Variants in SLC6A3 observed in about 807,000 individuals in gnomAD.
SLC6A3 encodes the protein solute carrier family 6 member 3.
In SLC6A3, 19 loss-of-function variants were observed where a neutral mutation model predicts 70.4. The observed-to-expected ratio is 0.27, with a 90% confidence interval of 0.19 to 0.40. SLC6A3 has a LOEUF of 0.40. SLC6A3 is among the 10% of genes least tolerant of loss of function. SLC6A3 has a pLI of 1.00. For synonymous variants in SLC6A3, 368 were observed against 356.6 expected, an observed-to-expected ratio of 1.03 and a Z score of -0.36; for missense variants, 613 against 838.5, an observed-to-expected ratio of 0.73 and a Z score of 3.32.
In SLC6A3 at chr5:1,411,136, G is replaced by T; in HGVS notation, c.1269+107C>A. ...CAAGTCAAGGACAGGAGGTCTGGGG[G>T]CCGTACGTGAGCCCAGGGATCTTGC... On this transcript the variant is annotated intron_variant, in intron 9 of 14. Transcript: ENST00000270349. The surrounding 1 kb of genome is among the most constrained non-coding windows in gnomAD (Gnocchi z 6.5). 8 of 774,876 alleles carry T rather than the reference G, an allele frequency of 1.0e-5. No individual in the cohort carries two copies. Among genetic ancestry groups the T allele is most frequent in the Non-Finnish European group, 1.6e-5 (7 of 448,000 alleles). The allele number at this position is 774,876 out of a possible 1,614,324, so 48.0% of individuals were successfully genotyped here. A position where few individuals can be genotyped will look rare whatever the true frequency, so the allele number is the denominator to read the frequency against.
At chr5:1,429,254 G>A (rs535336871) in intron 4 of SLC6A3, among the ~76,000 whole-genome samples, 4 of 152,310 alleles carry the variant, frequency 2.6e-5, no homozygotes, top group Admixed American at 2.0e-4. Context: ...CCCACTGGTG[G>A]GAAAATCACC....
chr5:1,445,146 C>T (rs935030652), intron 1 of SLC6A3, among the ~76,000 whole-genome samples: 2 of 152,302 alleles, frequency 1.3e-5, no homozygotes, highest in African/African-American at 4.8e-5. Flanking sequence ...CCTCCTCGCG[C>T]CTCGGACGGC....
chr5:1,430,354 C>T (rs962725627), intron 4 of SLC6A3, among the ~76,000 whole-genome samples: 1 of 152,250 alleles, frequency 6.6e-6, no homozygotes, highest in East Asian at 1.9e-4. Context: ...AAGAAAAACG[C>T]CGGGTGGCCC....
At chr5:1,422,328 A>G in intron 4 of SLC6A3, among the ~76,000 whole-genome samples, 1 of 150,930 alleles carries the variant, frequency 6.6e-6, no homozygotes. Context: ...GAGCCACAGA[A>G]ACCAAAAGGA....
chr5:1,402,273 G>A lies in SLC6A3; in HGVS notation c.1767+649C>T, dbSNP rs1427545191. Among the ~76,000 whole-genome samples the A allele has an allele frequency of 4.0e-5, 6 of 151,750 alleles. No homozygotes were observed. The highest frequency in any genetic ancestry group is 8.8e-5 in the Non-Finnish European group (6 of 67,952). On this transcript the variant is annotated intron_variant, in intron 13 of 14. Coordinates refer to ENST00000270349, the MANE Select transcript of SLC6A3 (RefSeq NM_001044.5). This position sits in a 1 kb window ranked among gnomAD's most constrained non-coding sequence, Gnocchi z 8.5. ...CCTTGTCTCTTCCTGGAACCACAGA[G>A]CCAGGGTGTTAAACAGGGCCCTGTG...
intron 4 of SLC6A3, among the ~76,000 whole-genome samples, chr5:1,430,769 C>A (rs527632052): frequency 2.5e-5 from 1 of 39,270 alleles, no homozygotes. Flanking sequence ...GATCCTCCCC[C>A]AGCAGAGGCG....
Position 1,436,435 on chromosome 5 carries a change from G to A in SLC6A3, c.419-3737C>T, listed in dbSNP as rs1477611319. ...GAGGTGGCAGGCAAAGTCCCTGCTC[G>A]CGTTTCCAGGGAAAACATTCATGAG... On this transcript the variant is annotated intron_variant, in intron 3 of 14. Transcript: ENST00000270349. This position sits in a 1 kb window ranked among gnomAD's most constrained non-coding sequence, Gnocchi z 5.2. Among the ~76,000 whole-genome samples the A allele has an allele frequency of 1.3e-5, 2 of 152,268 alleles. No homozygotes were observed. Among genetic ancestry groups the A allele is most frequent in the East Asian group, 1.9e-4 (1 of 5,186 alleles).
chr5:1,429,931 T>C (rs921353147), intron 4 of SLC6A3, among the ~76,000 whole-genome samples: 6 of 152,236 alleles, frequency 3.9e-5, no homozygotes, highest in African/African-American at 7.2e-5. Context: ...CCCTCGAGAA[T>C]GTTAAAATCT....
rs1383729648 is a variant in SLC6A3 at position 1,421,408 on chromosome 5, C to T, written c.792+468G>A. Among the ~76,000 whole-genome samples the T allele has an allele frequency of 1.3e-5, 2 of 152,110 alleles. No individual in the cohort carries two copies. Among genetic ancestry groups the T allele is most frequent in the East Asian group, 3.9e-4 (2 of 5,192 alleles). On this transcript the variant is annotated intron_variant, in intron 5 of 14. Transcript: ENST00000270349. The surrounding 1 kb of genome is among the most constrained non-coding windows in gnomAD (Gnocchi z 7.2). ...GCCAGGCTGTTCTTGAACCCCTGAC[C>T]TCAGGTGATCTGCCCGTCTCAGCCT...
intron 6 of SLC6A3, 162 bp from the exon 7 acceptor site, chr5:1,416,363 C>G: frequency 1.5e-6 from 1 of 684,160 alleles, no homozygotes; most frequent in South Asian, 1.6e-5. Context: ...GATGCAGCCT[C>G]AGGAAGTGAA....
chr5:1,417,265 A>C (rs1205238162), intron 6 of SLC6A3, among the ~76,000 whole-genome samples: 1 of 150,286 alleles, frequency 6.7e-6, no homozygotes, highest in Non-Finnish European at 1.5e-5. Flanking sequence ...GAACAACATA[A>C]ACTCATCCTG....
chr5:1,396,408 C>T lies in SLC6A3; in HGVS notation c.1840-1650G>A, dbSNP rs1755720159. ...GTCAGTGGTCCCTGAGGGAAGCCAA[C>T]AAGGAGGCCCCCCTGCCACCCTGCT... On this transcript the variant is annotated intron_variant, in intron 14 of 14. Transcript: ENST00000270349. This position sits in a 1 kb window ranked among gnomAD's most constrained non-coding sequence, Gnocchi z 7.0. Among the ~76,000 whole-genome samples the T allele has an allele frequency of 6.6e-6, 1 of 152,212 alleles. No individual in the cohort carries two copies. Among genetic ancestry groups the T allele is most frequent in the Admixed American group, 6.5e-5 (1 of 15,284 alleles).
intron 4 of SLC6A3, among the ~76,000 whole-genome samples, chr5:1,422,355 T>C (rs1756458463): frequency 6.6e-6 from 1 of 151,524 alleles, no homozygotes; most frequent in African/African-American, 2.4e-5. Context: ...TGAGCAATGC[T>C]GGGTGCCCAC....
rs1284834483 is a variant in SLC6A3 at position 1,436,976 on chromosome 5, G to A, written c.419-4278C>T. Among the ~76,000 whole-genome samples the A allele has an allele frequency of 1.3e-5, 2 of 152,224 alleles. No individual in the cohort carries two copies. Among genetic ancestry groups the A allele is most frequent in the Non-Finnish European group, 2.9e-5 (2 of 68,040 alleles). On this transcript the variant is annotated intron_variant, in intron 3 of 14. Coordinates refer to ENST00000270349, the MANE Select transcript of SLC6A3 (RefSeq NM_001044.5). This position sits in a 1 kb window ranked among gnomAD's most constrained non-coding sequence, Gnocchi z 5.2. ...TGGAAGAAAGACGGGAGAGGGCCGG[G>A]CACGGTGGCTCACTCCTGTAATCCC...
In SLC6A3 at chr5:1,406,823, C is replaced by T. The variant is rs998943823; in HGVS notation, c.1499-535G>A. Among the ~76,000 whole-genome samples, 1 of 152,202 alleles carries T rather than the reference C, an allele frequency of 6.6e-6. No individual in the cohort carries two copies. Among genetic ancestry groups the T allele is most frequent in the Non-Finnish European group, 1.5e-5 (1 of 68,034 alleles). ...TCCCGACCCCCAACCCCCGCCAGGC[C>T]CCAGCACCATCTGCTTTTTGTCTCA... On this transcript the variant is annotated intron_variant, in intron 11 of 14. Transcript: ENST00000270349. This position sits in a 1 kb window ranked among gnomAD's most constrained non-coding sequence, Gnocchi z 8.8.
chr5:1,416,263 C>T, intron 6 of SLC6A3, 62 bp from the exon 7 acceptor site: 2 of 1,227,798 alleles, frequency 1.6e-6, no homozygotes, highest in East Asian at 2.3e-5. Context: ...GGCAAAGGAC[C>T]TGAGCACCCT....
At position 1,408,260 on chromosome 5, in the gene SLC6A3, T is replaced by G. The variant is rs1034933161; in HGVS notation, c.1498+766A>C. The stretch of plus-strand genomic sequence containing the variant: ...GGTTTTACCATGTTGGCCAGGATGG[T>G]CTTGATCTCTTGATCTCGTGATCTG... On this transcript the variant is annotated intron_variant, in intron 11 of 14. Coordinates refer to ENST00000270349, the MANE Select transcript of SLC6A3 (RefSeq NM_001044.5). This position sits in a 1 kb window ranked among gnomAD's most constrained non-coding sequence, Gnocchi z 6.4. Among the ~76,000 whole-genome samples the G allele has an allele frequency of 2.7e-5, 4 of 149,636 alleles. No homozygotes were observed. Among genetic ancestry groups the G allele is most frequent in the African/African-American group, 9.9e-5 (4 of 40,442 alleles).
chr5:1,422,429 TG>T, intron 4 of SLC6A3, among the ~76,000 whole-genome samples: 1 of 143,480 alleles, frequency 7.0e-6, no homozygotes, highest in Non-Finnish European at 1.5e-5. Context: ...CCCACGCTGC[TG>T]GGTACCCACC....
chr5:1,395,717 T>C (rs1435779318), intron 14 of SLC6A3, among the ~76,000 whole-genome samples: 1 of 152,096 alleles, frequency 6.6e-6, no homozygotes. Flanking sequence ...GCCAGAGCCC[T>C]AGAGCAGAGG....
Sources: allele counts gnomAD v4.1 joint callset (sites outside exome capture counted in the v4.1 genomes callset), GRCh38; gene constraint gnomAD v4.1.1; non-coding constraint Gnocchi (gnomAD v3.1); transcripts MANE v1.5; gene names NCBI Gene and HGNC (gene_info 2026-07-23, HGNC 2026-07-21).